Variants in CAD observed in about 807,000 individuals in gnomAD.
CAD encodes carbamoyl-phosphate synthetase 2, aspartate transcarbamylase, and dihydroorotase.
A neutral mutation model predicts 237.2 loss-of-function variants in CAD; 81 were observed. The ratio of observed to expected loss-of-function variants is 0.34; its 90% CI spans 0.29 to 0.41. CAD has a LOEUF of 0.41. CAD is among the 10% of genes least tolerant of loss of function. The pLI, the probability that CAD is intolerant of heterozygous loss-of-function variation, is 1.00. For missense variants in CAD, 2,181 were observed against 2,951.7 expected, an observed-to-expected ratio of 0.74 and a Z score of 6.05; for synonymous variants, 1,196 against 1,162.8, an observed-to-expected ratio of 1.03 and a Z score of -0.58.
At position 27,239,563 on chromosome 2, in the gene CAD, A is replaced by G; in HGVS notation, c.5394+92A>G. 2 of 1,546,958 alleles carry G rather than the reference A, an allele frequency of 1.3e-6. No individual in the cohort carries two copies. The highest frequency in any genetic ancestry group is 1.2e-5 in the South Asian group (1 of 86,024). ...CCCAGCACATCTACACTGTCCCACT[A>G]TGTGCACCACTGCCCTGGACCAGGG... is the stretch of plus-strand genomic sequence containing the variant. On this transcript the variant is annotated intron_variant, in intron 33 of 43. Transcript: ENST00000264705. The surrounding 1 kb of genome is among the most constrained non-coding windows in gnomAD (Gnocchi z 4.0).
chr2:27,239,940 T>C lies in CAD; in HGVS notation c.5496+142T>C, dbSNP rs562823587. 1.1e-4 allele frequency: 75 copies of C among 657,390 alleles called. 1 individual carries two copies. The East Asian group carries it at 2.1e-3, about 19-fold the overall frequency. The allele number at this position is 657,390 out of a possible 1,614,324, so 40.7% of individuals were successfully genotyped here. A position where few individuals can be genotyped will look rare whatever the true frequency, so the allele number is the denominator to read the frequency against. ...TTGAAGTGGGGTTGGGTCAATTATT[T>C]TTTTAAAATGCTGGGCCAGGCCAGA... On this transcript the variant is annotated intron_variant, in intron 34 of 43. Transcript: ENST00000264705. The surrounding 1 kb of genome is among the most constrained non-coding windows in gnomAD (Gnocchi z 4.0).
In CAD at chr2:27,234,217, C is replaced by G; in HGVS notation, c.3609C>G (p.Leu1203=). Residue 1203 remains leucine, a synonymous_variant, in exon 22 of 44, where the codon CTC becomes CTG. Transcript: ENST00000264705. ...TCACAGGACCCTTCAATCTGCAGCT[C>G]ATTGCCAAGGTAATAAGGCTAAAGG... ...LQVTGPFNLQ[L]IAKDDQLKVI... The G allele has an allele frequency of 6.2e-7, 1 of 1,613,942 alleles. No homozygotes were observed. Among genetic ancestry groups the G allele is most frequent in the Non-Finnish European group, 8.5e-7 (1 of 1,179,784 alleles).
At chr2:27,223,517 A>G in intron 6 of CAD, 46 bp from the exon 7 acceptor site, 1 of 1,573,354 alleles carries the variant, frequency 6.4e-7, no homozygotes, top group Non-Finnish European at 8.7e-7. Context: ...TCAGTAGTGA[A>G]GAGAGGGTGA....
chr2:27,242,152 GT>G lies in CAD; in HGVS notation c.6096+31del. ...AGGCCAGCCTGGGTACTGAGATGGG[GT>G]TAAGAAGGCTGGACCCAGGGGCATG... is the stretch of plus-strand genomic sequence containing the variant. On this transcript the variant is annotated intron_variant, in intron 39 of 43. Coordinates refer to ENST00000264705, the MANE Select transcript of CAD (RefSeq NM_004341.5). This position sits in a 1 kb window ranked among gnomAD's most constrained non-coding sequence, Gnocchi z 6.4. 1 of 1,607,716 alleles carries G rather than the reference GT, an allele frequency of 6.2e-7. No individual in the cohort carries two copies. Among genetic ancestry groups the G allele is most frequent in the Non-Finnish European group, 8.5e-7 (1 of 1,176,634 alleles).
In CAD at chr2:27,236,699, C is replaced by T. The variant is rs188436343; in HGVS notation, c.4315-50C>T. ...TATGGGAAAACCACATCTCTCCCTA[C>T]AACTCCCAGGATCACCCTTCCCTTA... is the stretch of plus-strand genomic sequence containing the variant. On this transcript the variant is annotated intron_variant, in intron 26 of 43. Transcript: ENST00000264705. This position sits in a 1 kb window ranked among gnomAD's most constrained non-coding sequence, Gnocchi z 4.1. 2.3e-4 allele frequency: 370 copies of T among 1,587,878 alleles called. 2 individuals carry two copies. The East Asian group carries it at 5.2e-3, about 23-fold the overall frequency.
rs1313368007 is a variant in CAD at position 27,240,175 on chromosome 2, CG to C, written c.5497-89del. 4.7e-6 allele frequency: 5 copies of C among 1,072,864 alleles called. No homozygotes were observed. In the African/African-American group the frequency reaches 8.0e-5, roughly 17 times the overall value. The allele number at this position is 1,072,864 out of a possible 1,614,324, so 66.5% of individuals were successfully genotyped here. Reference sequence around the variant, plus strand: ...AGAATTGCTTGAACCCAGAAGGTCACGCCACTGCACTCCAGCCTGAGCGACA... The same window carrying C: ...AGAATTGCTTGAACCCAGAAGGTCACCCACTGCACTCCAGCCTGAGCGACA... On this transcript the variant is annotated intron_variant, in intron 34 of 43. Coordinates refer to ENST00000264705, the MANE Select transcript of CAD (RefSeq NM_004341.5). This position sits in a 1 kb window ranked among gnomAD's most constrained non-coding sequence, Gnocchi z 4.6.
At chr2:27,222,461 A>G in intron 4 of CAD, 58 bp from the exon 5 acceptor site, 5 of 1,598,946 alleles carry the variant, frequency 3.1e-6, no homozygotes, top group Non-Finnish European at 3.4e-6. Flanking sequence ...GTGCAGGCAT[A>G]TCTTATACCC....
Position 27,242,886 on chromosome 2 carries a change from C to G in CAD, c.6393C>G (p.Ser2131Arg), listed in dbSNP as rs372005649. 64 of 1,613,968 alleles carry G rather than the reference C, an allele frequency of 4.0e-5. No individual in the cohort carries two copies. Among genetic ancestry groups the G allele is most frequent in the Non-Finnish European group, 5.2e-5 (61 of 1,179,944 alleles). ...SRGTKQEEFE[S>R]IEEALPDTDV... ...TCACCCTCCAGGAGGAATTCGAGAG[C>G]ATTGAGGAGGCGCTGCCTGACACTG... Residue 2131 changes from serine to arginine, a missense_variant, in exon 42 of 44, where the codon AGC (serine) becomes AGG (arginine). This residue lies in a region of CAD where 170 missense variants were observed against 212.1 expected (regional missense o/e 0.80). Coordinates refer to ENST00000264705, the MANE Select transcript of CAD (RefSeq NM_004341.5). The surrounding 1 kb of genome is among the most constrained non-coding windows in gnomAD (Gnocchi z 6.4).
rs1205585536 is a variant in CAD, at chr2:27,241,919, C to T, written c.5892C>T (p.Val1964=). 1 of 1,612,784 alleles carries T rather than the reference C, an allele frequency of 6.2e-7. No homozygotes were observed. The highest frequency in any genetic ancestry group is 1.7e-5 in the Admixed American group (1 of 60,012). Residue 1964 remains valine, a synonymous_variant, in exon 39 of 44, where the codon GTC becomes GTT. Transcript: ENST00000264705. The surrounding 1 kb of genome is among the most constrained non-coding windows in gnomAD (Gnocchi z 4.6). ...TCTTGCTCTTTCCCTAGGGGAAGGT[C>T]ATGGCCTCCATGTTCTATGAAGTGA... ...ERSLDILKGK[V]MASMFYEVST... is the part of the protein sequence containing the mutation.
rs1178918865 is a variant in CAD at position 27,237,767 on chromosome 2, C to T, written c.4613C>T (p.Ser1538Leu). The stretch of plus-strand genomic sequence containing the variant: ...GACTTTGCGCTATTCCTTGGGGCCT[C>T]GTCTGAAAATGCAGGAACCTTGGGC... ...RCDFALFLGA[S>L]SENAGTLGTV... The change falls in exon 29 of 44, where the codon TCG becomes TTG. Residue 1538 changes from serine to leucine, a missense_variant. Ser to Leu is a moderately radical substitution (Grantham distance 145, BLOSUM62 -2). Transcript: ENST00000264705. The surrounding 1 kb of genome is among the most constrained non-coding windows in gnomAD (Gnocchi z 4.0). The T allele has an allele frequency of 5.0e-6, 8 of 1,614,074 alleles. No homozygotes were observed. Among genetic ancestry groups the T allele is most frequent in the Non-Finnish European group, 6.8e-6 (8 of 1,180,034 alleles).
intron 42 of CAD, 83 bp downstream of exon 42, chr2:27,243,056 G>C: frequency 7.3e-7 from 1 of 1,366,978 alleles, no homozygotes; most frequent in Non-Finnish European, 1.0e-6. Flanking sequence ...GCTGAGGGCT[G>C]GGTCAGAGCT....
In CAD at chr2:27,225,795, A is replaced by C. The variant is rs753631559; in HGVS notation, c.1711A>C (p.Arg571=). 8.1e-6 allele frequency: 13 copies of C among 1,614,142 alleles called. No homozygotes were observed. The highest frequency in any genetic ancestry group is 1.1e-5 in the Non-Finnish European group (13 of 1,180,002). Residue 571 remains arginine, a synonymous_variant, in exon 12 of 44, where the codon AGG becomes CGG. Coordinates refer to ENST00000264705, the MANE Select transcript of CAD (RefSeq NM_004341.5). ...GGLGSGFASN[R]EELSALVAPA... is the part of the protein sequence containing the mutation. Reference sequence around the variant, plus strand: ...CCTGGGCTCTGGCTTTGCCTCTAACAGGGAGGAGCTCTCTGCTCTCGTGGC... The same window carrying C: ...CCTGGGCTCTGGCTTTGCCTCTAACCGGGAGGAGCTCTCTGCTCTCGTGGC...
Position 27,236,770 on chromosome 2 carries a change from G to A in CAD, c.4336G>A (p.Ala1446Thr). ...GCAGGCCCTAGGCCAGATCGGGCCA[G>A]CCCCTCCTTTGAAGGTGCATGTTGA... ...FVEALGQIGP[A>T]PPLKVHVDCM... The change falls in exon 27 of 44, where the codon GCC (alanine) becomes ACC (threonine). Residue 1446 changes from alanine (A) to threonine (T), a missense_variant. By Grantham distance (58) the Ala-to-Thr change is moderately conservative (BLOSUM62 0). Transcript: ENST00000264705. The surrounding 1 kb of genome is among the most constrained non-coding windows in gnomAD (Gnocchi z 4.1). 6.2e-7 allele frequency: 1 copy of A among 1,614,182 alleles called. No individual in the cohort carries two copies. The highest frequency in any genetic ancestry group is 8.5e-7 in the Non-Finnish European group (1 of 1,180,044).
Position 27,241,452 on chromosome 2 carries a change from C to T in CAD, c.5883+56C>T. 6 of 1,551,118 alleles carry T rather than the reference C, an allele frequency of 3.9e-6. No homozygotes were observed. On this transcript the variant is annotated intron_variant, in intron 38 of 43. Transcript: ENST00000264705. This position sits in a 1 kb window ranked among gnomAD's most constrained non-coding sequence, Gnocchi z 4.6. ...GCCATCGCCTGCCCTTGGGCCGCAT[C>T]AGCGCAGGGCCGCGCAGTGGTCAGA...
chr2:27,223,687 T>C lies in CAD; in HGVS notation c.934T>C (p.Phe312Leu). The C allele has an allele frequency of 6.2e-7, 1 of 1,614,210 alleles. No individual in the cohort carries two copies. The highest frequency in any genetic ancestry group is 8.5e-7 in the Non-Finnish European group (1 of 1,180,030). The change falls in exon 7 of 44, where the codon TTC becomes CTC. Residue 312 changes from phenylalanine (F) to leucine (L), a missense_variant. By Grantham distance (22) the Phe-to-Leu change is conservative (BLOSUM62 0). This residue lies in a region of CAD where 129 missense variants were observed against 143.3 expected (regional missense o/e 0.90). Transcript: ENST00000264705. ...DSLPADWAPL[F>L]TNANDGSNEG... Reference sequence around the variant, plus strand: ...ACTGCCAGCAGACTGGGCTCCTCTCTTCACCAACGCCAATGATGGTTCCAA... The same window carrying C: ...ACTGCCAGCAGACTGGGCTCCTCTCCTCACCAACGCCAATGATGGTTCCAA...
chr2:27,223,446 A>AC, intron 6 of CAD, 117 bp from the exon 7 acceptor site: 1 of 947,324 alleles, frequency 1.1e-6, no homozygotes, highest in Non-Finnish European at 1.6e-6. Flanking sequence ...AAAAAAAAAA[A>AC]CAAAAAGGAA....
rs1466941693 is a variant in CAD at position 27,239,963 on chromosome 2, A to T, written c.5496+165A>T. 4.9e-6 allele frequency: 3 copies of T among 607,110 alleles called. No homozygotes were observed. In the African/African-American group the frequency reaches 5.6e-5, roughly 11 times the overall value. 37.6% of individuals were successfully genotyped at this position (607,110 alleles called of 1,614,324 possible). ...TTTTTTTAAAATGCTGGGCCAGGCC[A>T]GATGTGGTGGCTCACACTTGTAATC... On this transcript the variant is annotated intron_variant, in intron 34 of 43. Transcript: ENST00000264705. The surrounding 1 kb of genome is among the most constrained non-coding windows in gnomAD (Gnocchi z 4.0).
chr2:27,240,795 T>A lies in CAD; in HGVS notation c.5594-116T>A. 7.9e-7 allele frequency: 1 copy of A among 1,259,212 alleles called. No individual in the cohort carries two copies. The highest frequency in any genetic ancestry group is 1.1e-6 in the Non-Finnish European group (1 of 879,616). The allele number at this position is 1,259,212 out of a possible 1,614,324, so 78.0% of individuals were successfully genotyped here. ...CCTGCCCTCCCCTAACCTGCTATATTACTGTGTTGTGAATTGGTTTAACAT... is the reference window on the plus strand; with the variant it reads ...CCTGCCCTCCCCTAACCTGCTATATAACTGTGTTGTGAATTGGTTTAACAT... On this transcript the variant is annotated intron_variant, in intron 35 of 43. Coordinates refer to ENST00000264705, the MANE Select transcript of CAD (RefSeq NM_004341.5). This position sits in a 1 kb window ranked among gnomAD's most constrained non-coding sequence, Gnocchi z 4.6.
At chr2:27,230,025 G>T (rs1021167938) in intron 15 of CAD, among the ~76,000 whole-genome samples, 1 of 150,274 alleles carries the variant, frequency 6.7e-6, no homozygotes, top group African/African-American at 2.5e-5. Context: ...ATCACCTGAG[G>T]TTGGGAGTTC....
Sources: gnomAD v4.1 joint callset for allele counts (sites outside exome capture counted in the v4.1 genomes callset) on GRCh38, gnomAD v4.1.1 for gene constraint, gnomAD v4.1.1 regional missense constraint, Gnocchi (gnomAD v3.1) non-coding constraint, MANE v1.5 for transcripts, NCBI Gene and HGNC (gene_info 2026-07-23, HGNC 2026-07-21) for gene names.